Variants in ZNF800 observed in about 807,000 individuals in gnomAD.
ZNF800 encodes the protein zinc finger protein 800.
In ZNF800, 13 loss-of-function variants were observed where a neutral mutation model predicts 59.5. That is an observed-to-expected ratio of 0.22 (90% CI 0.14 to 0.35). The LOEUF is 0.35. Among genes scored for constraint, ZNF800 ranks in the 10% least tolerant of loss-of-function variants. The pLI is 1.00. For missense variants in ZNF800, 621 were observed against 783.7 expected, an observed-to-expected ratio of 0.79 and a Z score of 2.48; for synonymous variants, 266 against 265.7, an observed-to-expected ratio of 1.00 and a Z score of -0.01.
chr7:127,368,571 G>C (rs1800559986), downstream of ZNF800, among the ~76,000 whole-genome samples: 1 of 152,118 alleles, frequency 6.6e-6, no homozygotes. Flanking sequence ...GTCACTGCAG[G>C]AAACCTGGAA....
chr7:127,357,762 C>A (rs910389767), intron 1 of ZNF800, among the ~76,000 whole-genome samples: 2 of 151,642 alleles, frequency 1.3e-5, no homozygotes, highest in Non-Finnish European at 2.9e-5. Context: ...TTGCCTAATA[C>A]TATTACAATT....
At chr7:127,380,372 A>AT (rs1191461431) in intron 3 of ZNF800, among the ~76,000 whole-genome samples, 1 of 152,180 alleles carries the variant, frequency 6.6e-6, no homozygotes, top group Non-Finnish European at 1.5e-5. Flanking sequence ...TAAAAATTAG[A>AT]TTTTTTAAAT....
downstream of ZNF800, among the ~76,000 whole-genome samples, chr7:127,367,623 C>A (rs905475053): frequency 1.5e-5 from 2 of 136,098 alleles, no homozygotes; most frequent in African/African-American, 6.0e-5. Context: ...TTTATAAACA[C>A]AACACTGGTG....
At chr7:127,380,776 C>T (rs1307012209) in intron 3 of ZNF800, among the ~76,000 whole-genome samples, 1 of 152,168 alleles carries the variant, frequency 6.6e-6, no homozygotes, top group Non-Finnish European at 1.5e-5. Context: ...TCCTATATTG[C>T]TCTCTTTCTT....
chr7:127,362,372 T>G (rs1800411306), intron 1 of ZNF800: 2 of 152,236 alleles, frequency 1.3e-5, no homozygotes, highest in South Asian at 4.1e-4. Context: ...AGTTGTTCAC[T>G]CTCATCCTTA....
chr7:127,381,460 T>C lies in ZNF800; in HGVS notation c.158-4131A>G, dbSNP rs190090823. On this transcript the variant is annotated intron_variant, in intron 3 of 5. Transcript: ENST00000265827. Reference sequence around the variant, plus strand: ...GTTAAATATATATATATGTTAATTATAGAGCACTGCCACATACCACAATAA... The same window carrying C: ...GTTAAATATATATATATGTTAATTACAGAGCACTGCCACATACCACAATAA... 6.6e-5 allele frequency among the ~76,000 whole-genome samples: 10 copies of C among 152,258 alleles called. No homozygotes were observed. The East Asian group carries it at 1.9e-3, about 29-fold the overall frequency.
At chr7:127,367,366 C>A (rs17864204), downstream of ZNF800, among the ~76,000 whole-genome samples, 11 of 152,066 alleles carry the variant, frequency 7.2e-5, no homozygotes, top group East Asian at 5.8e-4. Flanking sequence ...TGCATTTACA[C>A]GCCAATTAGA....
chr7:127,360,143 A>G (rs1000032664), intron 1 of ZNF800: 1 of 152,098 alleles, frequency 6.6e-6, no homozygotes, highest in African/African-American at 2.4e-5. Context: ...TATATAGTTG[A>G]GTAGTTCTGA....
rs1464466003 is a variant in ZNF800 at position 127,373,769 on chromosome 7, G to A, written c.1567C>T (p.Leu523Phe). The A allele has an allele frequency of 5.6e-6, 9 of 1,613,980 alleles. No homozygotes were observed. Among genetic ancestry groups the A allele is most frequent in the Non-Finnish European group, 7.6e-6 (9 of 1,180,004 alleles). The change falls in exon 5 of 6, where the codon CTT becomes TTT. Residue 523 changes from leucine to phenylalanine, a missense_variant. Leu to Phe is a conservative substitution (Grantham distance 22, BLOSUM62 0). Around this residue, in one of 7 missense-constraint regions of ZNF800, gnomAD observed 46 missense variants for 118.4 expected, o/e 0.39. Transcript: ENST00000265827. ...NIYVKFYKCP[L>F]CTYETRRKRD... ...TTCCGACGAGTTTCATAAGTGCAAA[G>A]AGGACACTTGTAGAATTTAACATAA...
intron 3 of ZNF800, among the ~76,000 whole-genome samples, chr7:127,381,355 C>G (rs970430512): frequency 3.3e-5 from 5 of 152,066 alleles, no homozygotes; most frequent in African/African-American, 1.2e-4. Flanking sequence ...ACTGATCATC[C>G]TTAACGTAAG....
In ZNF800 at chr7:127,384,227, C is replaced by CTTTTTTTTTTTTTTTTTTTT. The variant is rs577977623; in HGVS notation, c.157+1813_157+1832dup. Among the ~76,000 whole-genome samples, 53 of 63,376 alleles carry CTTTTTTTTTTTTTTTTTTTT rather than the reference C, an allele frequency of 8.4e-4. 19 individuals carry two copies. The highest frequency in any genetic ancestry group is 2.9e-3 in the East Asian group (4 of 1,392). The allele number at this position is 63,376 out of a possible 152,430, so 41.6% of individuals were successfully genotyped here. A position where few individuals can be genotyped will look rare whatever the true frequency, so the allele number is the denominator to read the frequency against. ...CTTATGACTTAACTAATTCTAACTTCTTTTTTTTTTTTTTTTTTTTTTTTT... is the reference window on the plus strand; with the variant it reads ...CTTATGACTTAACTAATTCTAACTTCTTTTTTTTTTTTTTTTTTTTTTTTTTTTTTTTTTTTTTTTTTTTT... On this transcript the variant is annotated intron_variant, in intron 3 of 5. Coordinates refer to ENST00000265827, the MANE Select transcript of ZNF800 (RefSeq NM_176814.5).
intron 1 of ZNF800, among the ~76,000 whole-genome samples, chr7:127,348,467 A>G (rs956737878): frequency 6.6e-6 from 1 of 151,964 alleles, no homozygotes; most frequent in African/African-American, 2.4e-5. Flanking sequence ...CCTACACCCA[A>G]CAATAAGGTA....
downstream of ZNF800, among the ~76,000 whole-genome samples, chr7:127,367,274 T>C (rs1222168026): frequency 2.0e-5 from 3 of 152,096 alleles, no homozygotes; most frequent in Non-Finnish European, 2.9e-5. Context: ...AATAAAACTC[T>C]CCTTAGAAGC....
At chr7:127,372,457 G>C in intron 5 of ZNF800, 1 of 347,606 alleles carries the variant, frequency 2.9e-6, no homozygotes, top group Non-Finnish European at 4.0e-6. Context: ...TCCAGCCTGG[G>C]CAACAAGAGC....
At position 127,391,585 on chromosome 7, in the gene ZNF800, T is replaced by C; in HGVS notation, c.-28A>G. On this transcript the variant is annotated 5_prime_UTR_variant, in exon 2 of 6. It removes the in-frame stop codon of an upstream open reading frame in the 5' UTR. Coordinates refer to ENST00000265827, the MANE Select transcript of ZNF800 (RefSeq NM_176814.5). ...TCAGTGGACTCGACCTACTTTGCTTTCACTGTAAGAAGCTCTTCATTGCGG... is the reference window on the plus strand; with the variant it reads ...TCAGTGGACTCGACCTACTTTGCTTCCACTGTAAGAAGCTCTTCATTGCGG... 1 of 1,610,332 alleles carries C rather than the reference T, an allele frequency of 6.2e-7. No homozygotes were observed. The highest frequency in any genetic ancestry group is 8.5e-7 in the Non-Finnish European group (1 of 1,176,528).
intron 1 of ZNF800, among the ~76,000 whole-genome samples, chr7:127,357,684 C>T (rs1320005453): frequency 6.6e-6 from 1 of 151,884 alleles, no homozygotes; most frequent in African/African-American, 2.4e-5. Context: ...AAGAAATAAT[C>T]TTTTAAAATA....
chr7:127,371,704 T>C lies in ZNF800; in HGVS notation c.*110A>G. 1 of 600,180 alleles carries C rather than the reference T, an allele frequency of 1.7e-6. No homozygotes were observed. The highest frequency in any genetic ancestry group is 3.0e-6 in the Non-Finnish European group (1 of 327,910). 37.2% of individuals were successfully genotyped at this position (600,180 alleles called of 1,614,324 possible). ...TAGTTGAATATTTAGAAAAATGTTT[T>C]TCTTTTTTTCCTCATAGTACCATTT... On this transcript the variant is annotated 3_prime_UTR_variant, in exon 6 of 6. Transcript: ENST00000265827.
rs530181994 is a variant in ZNF800 at position 127,382,462 on chromosome 7, T to C, written c.157+3598A>G. Among the ~76,000 whole-genome samples the C allele has an allele frequency of 1.6e-4, 25 of 152,168 alleles. No homozygotes were observed. The South Asian group carries it at 4.8e-3, about 29-fold the overall frequency. On this transcript the variant is annotated intron_variant, in intron 3 of 5. Transcript: ENST00000265827. The stretch of plus-strand genomic sequence containing the variant: ...AAGAGGAAGGAAGATAAACTGAAAG[T>C]GTTATAGAGAGGAGGGAAATTTGAA...
At chr7:127,386,893 T>C (rs1241785678) in intron 2 of ZNF800, among the ~76,000 whole-genome samples, 1 of 152,106 alleles carries the variant, frequency 6.6e-6, no homozygotes, top group Non-Finnish European at 1.5e-5. Context: ...CCATTTACAT[T>C]AATACATTGG....
Sources: gnomAD v4.1 joint callset for allele counts (sites outside exome capture counted in the v4.1 genomes callset) on GRCh38, gnomAD v4.1.1 for gene constraint, gnomAD v4.1.1 regional missense constraint, MANE v1.5 for transcripts, NCBI Gene and HGNC (gene_info 2026-07-23, HGNC 2026-07-21) for gene names.